Variants in TNR observed in about 807,000 individuals in gnomAD.
The protein encoded by TNR is tenascin-R.
Under a neutral mutation model 150.4 loss-of-function variants are expected in TNR, and 45 were observed. The ratio of observed to expected loss-of-function variants is 0.30; its 90% confidence interval spans 0.24 to 0.38. TNR has a LOEUF of 0.38. Ranked by LOEUF, TNR falls within the 10% of genes least tolerant of loss-of-function variation. The pLI, the probability that TNR is intolerant of heterozygous loss-of-function variation, is 1.00. For synonymous variants in TNR, 687 were observed against 678.4 expected, an observed-to-expected ratio of 1.01 and a Z score of -0.20; for missense variants, 1,544 against 1,759.1, an observed-to-expected ratio of 0.88 and a Z score of 2.19.
chr1:175,595,364 G>A (rs1662968064), intron 1 of TNR, among the ~76,000 whole-genome samples: 1 of 152,102 alleles, frequency 6.6e-6, no homozygotes, highest in Non-Finnish European at 1.5e-5. Context: ...AACTACTAAA[G>A]GAGCCTTTCA....
intron 2 of TNR, among the ~76,000 whole-genome samples, chr1:175,459,547 C>A (rs533714068): frequency 1.3e-5 from 2 of 152,312 alleles, no homozygotes; most frequent in African/African-American, 4.8e-5. Context: ...TTTGTTAAGG[C>A]CAATGCTACA....
chr1:175,556,089 C>T (rs1042583034), intron 1 of TNR, among the ~76,000 whole-genome samples: 6 of 152,238 alleles, frequency 3.9e-5, no homozygotes, highest in Admixed American at 6.5e-5. Flanking sequence ...TCTGCAAATA[C>T]ATCTCCAAAT....
At chr1:175,665,942 T>C (rs922402574) in intron 1 of TNR, among the ~76,000 whole-genome samples, 7 of 152,176 alleles carry the variant, frequency 4.6e-5, no homozygotes, top group African/African-American at 1.7e-4. Context: ...ACTGAATACC[T>C]ACTATGTGCC....
intron 2 of TNR, among the ~76,000 whole-genome samples, chr1:175,509,392 C>G (rs1175581824): frequency 6.6e-6 from 1 of 152,178 alleles, no homozygotes; most frequent in East Asian, 1.9e-4. Flanking sequence ...AAGCCTGTTT[C>G]CAGGTTATCT....
intron 1 of TNR, among the ~76,000 whole-genome samples, chr1:175,696,071 T>A (rs1223291656): frequency 1.3e-5 from 2 of 152,186 alleles, no homozygotes; most frequent in Non-Finnish European, 2.9e-5. Context: ...ATTTCAGGAT[T>A]GTGCTTCTAT....
At chr1:175,627,499 T>C (rs1473702287) in intron 1 of TNR, among the ~76,000 whole-genome samples, 1 of 152,194 alleles carries the variant, frequency 6.6e-6, no homozygotes, top group Non-Finnish European at 1.5e-5. Flanking sequence ...AATTCTATTA[T>C]TATATCAGTT....
chr1:175,739,720 G>C (rs1667872914), intron 1 of TNR, among the ~76,000 whole-genome samples: 1 of 152,102 alleles, frequency 6.6e-6, no homozygotes, highest in Non-Finnish European at 1.5e-5. Context: ...CTTAAATAAA[G>C]AGAAACGGCA....
At chr1:175,353,429 A>AT (rs567980106) in intron 18 of TNR, among the ~76,000 whole-genome samples, 4 of 152,158 alleles carry the variant, frequency 2.6e-5, no homozygotes, top group East Asian at 1.9e-4. Context: ...GAGATTAGGA[A>AT]TTTTTTTTAT....
intron 1 of TNR, among the ~76,000 whole-genome samples, chr1:175,708,646 T>C (rs939082068): frequency 3.3e-5 from 5 of 152,158 alleles, no homozygotes; most frequent in African/African-American, 1.2e-4. Context: ...ATCTACCTCC[T>C]GACCAGTCGT....
intron 1 of TNR, among the ~76,000 whole-genome samples, chr1:175,720,081 G>A (rs930517234): frequency 1.3e-5 from 2 of 152,184 alleles, no homozygotes; most frequent in Admixed American, 1.3e-4. Context: ...GTTATAGACT[G>A]GATGTGTCCC....
At chr1:175,392,462 T>C (rs920148709) in intron 6 of TNR, among the ~76,000 whole-genome samples, 6 of 152,332 alleles carry the variant, frequency 3.9e-5, no homozygotes, top group African/African-American at 1.4e-4. Context: ...GGTCAGCCTC[T>C]CTTTTAATTA....
chr1:175,664,259 A>G (rs964572370), intron 1 of TNR, among the ~76,000 whole-genome samples: 4 of 152,210 alleles, frequency 2.6e-5, no homozygotes, highest in South Asian at 2.1e-4. Flanking sequence ...GACCTGGGAG[A>G]ATAGGATGAC....
rs530512277 is a variant in TNR at position 175,391,165 on chromosome 1, A to C, written c.1507+123T>G. On this transcript the variant is annotated intron_variant, in intron 7 of 22. Transcript: ENST00000367674. ...AGTAGCTCCATTGCCAGGTACCAGA[A>C]TTGTCCCAGCTCTAGGAGAAATTCT... The C allele has an allele frequency of 5.5e-6, 7 of 1,264,844 alleles. No individual in the cohort carries two copies. The East Asian group carries it at 1.6e-4, about 30-fold the overall frequency. 78.4% of individuals were successfully genotyped at this position (1,264,844 alleles called of 1,614,324 possible). A position where few individuals can be genotyped will look rare whatever the true frequency, so the allele number is the denominator to read the frequency against.
At chr1:175,524,576 G>T (rs934596663) in intron 2 of TNR, among the ~76,000 whole-genome samples, 9 of 152,136 alleles carry the variant, frequency 5.9e-5, no homozygotes, top group African/African-American at 1.7e-4. Context: ...CTCATTGGAA[G>T]AGTTAGTTGT....
intron 1 of TNR, among the ~76,000 whole-genome samples, chr1:175,566,073 A>G (rs972874690): frequency 7.9e-5 from 12 of 152,204 alleles, no homozygotes; most frequent in Non-Finnish European, 4.4e-5. Flanking sequence ...TGCTCTATAC[A>G]AGGTCTAAAT....
intron 1 of TNR, among the ~76,000 whole-genome samples, chr1:175,683,596 C>T (rs1666104174): frequency 6.6e-6 from 1 of 152,200 alleles, no homozygotes; most frequent in Non-Finnish European, 1.5e-5. Flanking sequence ...TTCCCCAGCC[C>T]AGGCTGGACA....
At chr1:175,608,067 T>G (rs986788595) in intron 1 of TNR, among the ~76,000 whole-genome samples, 3 of 152,220 alleles carry the variant, frequency 2.0e-5, no homozygotes, top group African/African-American at 7.2e-5. Context: ...AGTTCTCCCC[T>G]AGATTGCAGC....
chr1:175,703,270 C>T (rs1284633625), intron 1 of TNR, among the ~76,000 whole-genome samples: 1 of 152,166 alleles, frequency 6.6e-6, no homozygotes, highest in Non-Finnish European at 1.5e-5. Context: ...GATCAATTTA[C>T]TGTAAAGGTT....
chr1:175,573,390 A>T (rs1042415312), intron 1 of TNR, among the ~76,000 whole-genome samples: 1 of 152,214 alleles, frequency 6.6e-6, no homozygotes, highest in African/African-American at 2.4e-5. Flanking sequence ...GTGGGAGAGC[A>T]GGATGGTGGC....
Sources: allele counts gnomAD v4.1 joint callset (sites outside exome capture counted in the v4.1 genomes callset), GRCh38; gene constraint gnomAD v4.1.1; transcripts MANE v1.5; gene names NCBI Gene and HGNC (gene_info 2026-07-23, HGNC 2026-07-21).